Variants in VEGFC observed in about 807,000 individuals in gnomAD.
The protein encoded by VEGFC is FLT4 ligand DHM.
In VEGFC, 12 loss-of-function variants were observed where a neutral mutation model predicts 46.1. The observed-to-expected ratio is 0.26, with a 90% CI of 0.17 to 0.42. The LOEUF (loss-of-function observed/expected upper bound fraction) is 0.42, where lower values mean the gene tolerates loss of function less well. Among genes scored for constraint, VEGFC ranks in the 10% least tolerant of loss-of-function variants. The probability of loss-of-function intolerance (pLI) is 1.00; values close to 1 mark genes in which losing one functional copy is unlikely to be tolerated. For missense variants in VEGFC, 488 were observed against 529.4 expected (o/e 0.92, Z 0.77); for synonymous variants, 232 against 195.5 (o/e 1.19, Z -1.56).
chr4:176,689,637 T>C (rs1311895179), intron 4 of VEGFC: 1 of 152,226 alleles, frequency 6.6e-6, no homozygotes, highest in Non-Finnish European at 1.5e-5. Flanking sequence ...TTCTTGAGTT[T>C]CTTCAAGAGT....
intron 1 of VEGFC, among the ~76,000 whole-genome samples, chr4:176,787,574 T>C (rs1736025110): frequency 6.6e-6 from 1 of 151,542 alleles, no homozygotes; most frequent in Non-Finnish European, 1.5e-5. Context: ...GCGCGAGCAG[T>C]ATAAGGAAAC....
At chr4:176,781,789 T>C (rs1579141438) in intron 1 of VEGFC, among the ~76,000 whole-genome samples, 1 of 152,244 alleles carries the variant, frequency 6.6e-6, no homozygotes, top group East Asian at 1.9e-4. Context: ...AGTGAACTAT[T>C]TGGTAAAATC....
chr4:176,713,166 C>T (rs913390549), intron 3 of VEGFC, among the ~76,000 whole-genome samples: 1 of 152,180 alleles, frequency 6.6e-6, no homozygotes, highest in Non-Finnish European at 1.5e-5. Flanking sequence ...GTATTCTCCA[C>T]AATACTGTCT....
At chr4:176,719,125 C>G (rs942151832) in intron 3 of VEGFC, among the ~76,000 whole-genome samples, 2 of 152,118 alleles carry the variant, frequency 1.3e-5, no homozygotes, top group Non-Finnish European at 2.9e-5. Flanking sequence ...CTTCCTCACA[C>G]GCCCTGATAA....
At chr4:176,748,229 G>A (rs537081081) in intron 1 of VEGFC, among the ~76,000 whole-genome samples, 215 of 152,142 alleles carry the variant, frequency 1.4e-3, no homozygotes, top group African/African-American at 5.0e-3. Context: ...TTGAAGTGAA[G>A]AATGATTACT....
Position 176,792,312 on chromosome 4 carries a change from G to A in VEGFC, c.-1C>T. Reference sequence around the variant, plus strand: ...CAGAGAAGAAGCCCAGCAAGTGCATGGTGGAAGGACCGGGGGTGGGGGACC... The same window carrying A: ...CAGAGAAGAAGCCCAGCAAGTGCATAGTGGAAGGACCGGGGGTGGGGGACC... On this transcript the variant is annotated 5_prime_UTR_variant, in exon 1 of 7. Transcript: ENST00000618562. The surrounding 1 kb of genome is among the most constrained non-coding windows in gnomAD (Gnocchi z 6.3). 3 of 1,507,778 alleles carry A rather than the reference G, an allele frequency of 2.0e-6. No individual in the cohort carries two copies. The highest frequency in any genetic ancestry group is 2.7e-6 in the Non-Finnish European group (3 of 1,129,668). 93.4% of individuals were successfully genotyped at this position (1,507,778 alleles called of 1,614,324 possible).
At chr4:176,694,558 T>A (rs1217385293) in intron 4 of VEGFC, among the ~76,000 whole-genome samples, 2 of 151,878 alleles carry the variant, frequency 1.3e-5, no homozygotes, top group Non-Finnish European at 2.9e-5. Context: ...CTGTCAACAT[T>A]AGACAGATCA....
At chr4:176,742,494 T>C (rs971804666) in intron 1 of VEGFC, among the ~76,000 whole-genome samples, 2 of 152,028 alleles carry the variant, frequency 1.3e-5, no homozygotes, top group African/African-American at 2.4e-5. Flanking sequence ...GTTCTATTTT[T>C]AGTTCTTTGA....
intron 1 of VEGFC, among the ~76,000 whole-genome samples, chr4:176,782,067 T>C (rs973779280): frequency 2.0e-5 from 3 of 152,232 alleles, no homozygotes; most frequent in Non-Finnish European, 4.4e-5. Flanking sequence ...GAACCAAAAG[T>C]ATTATCAAGT....
intron 1 of VEGFC, among the ~76,000 whole-genome samples, chr4:176,785,481 T>TA (rs1250264998): frequency 3.9e-5 from 6 of 152,088 alleles, no homozygotes; most frequent in African/African-American, 7.2e-5. Flanking sequence ...CCACCATATT[T>TA]AAAAAAACCT....
intron 3 of VEGFC, among the ~76,000 whole-genome samples, chr4:176,714,973 A>C (rs993753160): frequency 6.6e-6 from 1 of 152,238 alleles, no homozygotes; most frequent in Non-Finnish European, 1.5e-5. Context: ...TAAAAGAATA[A>C]GGAGACAGGT....
intron 1 of VEGFC, among the ~76,000 whole-genome samples, chr4:176,732,730 CT>C (rs940998658): frequency 6.6e-6 from 1 of 150,792 alleles, no homozygotes; most frequent in African/African-American, 2.4e-5. Context: ...CTTCAGAGAG[CT>C]TTTTTTTCAG....
Position 176,729,724 on chromosome 4 carries a change from T to C in VEGFC, c.170A>G (p.Glu57Gly). 1 of 1,598,412 alleles carries C rather than the reference T, an allele frequency of 6.3e-7. No individual in the cohort carries two copies. Among genetic ancestry groups the C allele is most frequent in the Non-Finnish European group, 8.5e-7 (1 of 1,172,452 alleles). The change falls in exon 2 of 7, where the codon GAG becomes GGG. Residue 57 changes from glutamate to glycine, a missense_variant. Glu to Gly is a moderately conservative substitution (Grantham distance 98). Coordinates refer to ENST00000618562, the MANE Select transcript of VEGFC (RefSeq NM_005429.5). ...ACTGGACACAGACCGTAACTGCTCCTCCAGATCTTTGCTTGCATAAGCCTG... is the reference window on the plus strand; with the variant it reads ...ACTGGACACAGACCGTAACTGCTCCCCCAGATCTTTGCTTGCATAAGCCTG... ...EATAYASKDLEEQLRSVSSVD... is the reference protein window; with the variant it reads ...EATAYASKDLGEQLRSVSSVD...
chr4:176,748,873 G>T (rs1320233641), intron 1 of VEGFC, among the ~76,000 whole-genome samples: 3 of 151,772 alleles, frequency 2.0e-5, no homozygotes, highest in Admixed American at 6.6e-5. Context: ...AAAATTACTT[G>T]AAGATTTATG....
At chr4:176,749,291 T>C (rs1735304067) in intron 1 of VEGFC, among the ~76,000 whole-genome samples, 2 of 151,916 alleles carry the variant, frequency 1.3e-5, no homozygotes, top group South Asian at 2.1e-4. Flanking sequence ...AAAGAAAAGA[T>C]TGAACCAACT....
intron 4 of VEGFC, among the ~76,000 whole-genome samples, chr4:176,693,336 G>A (rs1232109579): frequency 7.3e-6 from 1 of 136,066 alleles, no homozygotes; most frequent in Non-Finnish European, 1.5e-5. Context: ...GAATGCAGAA[G>A]CCTCAGGAGC....
intron 4 of VEGFC, among the ~76,000 whole-genome samples, chr4:176,699,995 A>G (rs2110984664): frequency 6.6e-6 from 1 of 152,310 alleles, no homozygotes; most frequent in African/African-American, 2.4e-5. Flanking sequence ...CAGTGAACAG[A>G]GTTGGGGTTT....
intron 4 of VEGFC, among the ~76,000 whole-genome samples, chr4:176,692,202 G>A (rs1217891281): frequency 2.0e-5 from 3 of 149,864 alleles, no homozygotes; most frequent in Non-Finnish European, 4.4e-5. Context: ...AGACCATCCC[G>A]GCTAAAACGG....
At chr4:176,735,096 A>G (rs1735031499) in intron 1 of VEGFC, among the ~76,000 whole-genome samples, 1 of 151,840 alleles carries the variant, frequency 6.6e-6, no homozygotes, top group Non-Finnish European at 1.5e-5. Context: ...TGCTGTTTTC[A>G]ATCTGTTTCA....
Sources: gnomAD v4.1 joint callset for allele counts (sites outside exome capture counted in the v4.1 genomes callset) on GRCh38, gnomAD v4.1.1 for gene constraint, Gnocchi (gnomAD v3.1) non-coding constraint, MANE v1.5 for transcripts, NCBI Gene and HGNC (gene_info 2026-07-23, HGNC 2026-07-21) for gene names.